Variants in KIF15 observed in about 807,000 individuals in gnomAD.
KIF15 encodes the protein kinesin-like protein KIF15.
KIF15 carries 140 observed loss-of-function variants against 190.6 expected under a neutral mutation model. The observed-to-expected ratio is 0.73, with a 90% CI of 0.64 to 0.84. KIF15 has a LOEUF of 0.84. Ranked by LOEUF, KIF15 falls within the 40% of genes least tolerant of loss-of-function variation. The probability of loss-of-function intolerance (pLI) is 0.00; values close to 1 mark genes in which losing one functional copy is unlikely to be tolerated. For synonymous variants in KIF15, 528 were observed against 551.3 expected, an observed-to-expected ratio of 0.96 and a Z score of 0.59; for missense variants, 1,372 against 1,584.4, an observed-to-expected ratio of 0.87 and a Z score of 2.28.
At chr3:44,819,812 G>C (rs900007431) in intron 20 of KIF15, among the ~76,000 whole-genome samples, 4 of 152,154 alleles carry the variant, frequency 2.6e-5, no homozygotes, top group African/African-American at 9.7e-5. Flanking sequence ...TTAACCTTCT[G>C]TCTCATTCAT....
chr3:44,775,697 G>T (rs1575579799), intron 3 of KIF15, among the ~76,000 whole-genome samples: 1 of 151,572 alleles, frequency 6.6e-6, no homozygotes, highest in Admixed American at 6.6e-5. Flanking sequence ...CTCGTGATCT[G>T]CCCGCCTCAG....
chr3:44,769,194 A>G (rs1411232957), intron 1 of KIF15, among the ~76,000 whole-genome samples: 4 of 152,266 alleles, frequency 2.6e-5, no homozygotes, highest in South Asian at 4.2e-4. Flanking sequence ...GAGAGGACAC[A>G]AGGGGAAAAG....
At chr3:44,833,902 T>C (rs888307432) in intron 26 of KIF15, among the ~76,000 whole-genome samples, 2 of 152,194 alleles carry the variant, frequency 1.3e-5, no homozygotes, top group African/African-American at 4.8e-5. Flanking sequence ...AAGTATAAGA[T>C]GATGGGCTAA....
chr3:44,773,454 T>C lies in KIF15; in HGVS notation c.20-941T>C, dbSNP rs568527839. ...CCAGAAGGGGAGGGATGCAAGGAAC[T>C]GCCACTCGCCCCACTTGCCTGTCCA... is the stretch of plus-strand genomic sequence containing the variant. On this transcript the variant is annotated intron_variant, in intron 1 of 34. Transcript: ENST00000326047. Among the ~76,000 whole-genome samples the C allele has an allele frequency of 9.2e-4, 140 of 152,282 alleles. 2 individuals are homozygous for C. The highest frequency in any genetic ancestry group is 3.8e-4 in the Non-Finnish European group (26 of 68,012).
At chr3:44,778,505 T>C (rs1706002941) in intron 4 of KIF15, among the ~76,000 whole-genome samples, 1 of 152,172 alleles carries the variant, frequency 6.6e-6, no homozygotes, top group Non-Finnish European at 1.5e-5. Flanking sequence ...ACTCTTTGAC[T>C]CTTCTTCCTT....
intron 1 of KIF15, chr3:44,765,928 G>A (rs772410167): frequency 3.8e-5 from 6 of 156,426 alleles, no homozygotes; most frequent in Non-Finnish European, 7.1e-5. Context: ...CACCTCCTGA[G>A]TTCAAGCGAT....
intron 29 of KIF15, 42 bp from the exon 30 acceptor site, chr3:44,843,083 C>T (rs1339397635): frequency 1.4e-6 from 2 of 1,474,552 alleles, no homozygotes; most frequent in African/African-American, 1.4e-5. Context: ...ATGAAGCCTA[C>T]TGTAATGTGT....
intron 34 of KIF15, 84 bp from the exon 35 acceptor site, chr3:44,852,588 AC>A: frequency 1.0e-6 from 1 of 994,516 alleles, no homozygotes; most frequent in Non-Finnish European, 1.5e-6. Context: ...TTTGAAATAT[AC>A]ACCTAATAAA....
At position 44,800,347 on chromosome 3, in the gene KIF15, A is replaced by G. The variant is rs1219528642; in HGVS notation, c.1132A>G (p.Ser378Gly). 6.2e-7 allele frequency: 1 copy of G among 1,614,188 alleles called. No homozygotes were observed. The highest frequency in any genetic ancestry group is 1.1e-5 in the South Asian group (1 of 91,082). The change falls in exon 11 of 35, where the codon AGC becomes GGC. Residue 378 changes from serine (S) to glycine (G), a missense_variant. Coordinates refer to ENST00000326047, the MANE Select transcript of KIF15 (RefSeq NM_020242.3). ...VVNEDTQGNV[S>G]QLQAEVKRLK... ...AAATGAAGACACCCAAGGAAATGTG[A>G]GCCAGCTCCAAGCTGAAGTGAAGAG...
At chr3:44,856,976 C>T (rs1699196148), downstream of KIF15, among the ~76,000 whole-genome samples, 1 of 152,044 alleles carries the variant, frequency 6.6e-6, no homozygotes, top group Admixed American at 6.6e-5. Context: ...GCGGTAGCCT[C>T]AATGATAGAT....
chr3:44,779,758 C>T (rs530827154), intron 4 of KIF15, among the ~76,000 whole-genome samples: 10 of 149,364 alleles, frequency 6.7e-5, no homozygotes, highest in Middle Eastern at 3.5e-3. Context: ...CATTTGAACC[C>T]GGAGGGTGGA....
In KIF15 at chr3:44,809,696, T is replaced by A. The variant is rs538962461; in HGVS notation, c.1972-1150T>A. 4.6e-3 allele frequency among the ~76,000 whole-genome samples: 692 copies of A among 150,984 alleles called. 4 individuals are homozygous for A. Among genetic ancestry groups the A allele is most frequent in the Middle Eastern group, 0.01 (3 of 292 alleles). On this transcript the variant is annotated intron_variant, in intron 16 of 34. Transcript: ENST00000326047. The stretch of plus-strand genomic sequence containing the variant: ...CCTACCTCTGCAAAAAAAAAAAAAA[T>A]TTAAATTAGCCAAGCATGGTGGTGT...
Position 44,829,999 on chromosome 3 carries a change from T to A in KIF15, c.2972T>A (p.Ile991Asn), listed in dbSNP as rs775858945. The A allele has an allele frequency of 1.3e-6, 2 of 1,595,690 alleles. No homozygotes were observed. The highest frequency in any genetic ancestry group is 2.7e-5 in the African/African-American group (2 of 73,850). ...GTTGTAGCTGACCTCATGAACCAGATCCAGGAGCTAAGAACATCGGTCTGT... is the reference window on the plus strand; with the variant it reads ...GTTGTAGCTGACCTCATGAACCAGAACCAGGAGCTAAGAACATCGGTCTGT... ...KKVVADLMNQ[I>N]QELRTSVCEK... Residue 991 changes from isoleucine (I) to asparagine (N), a missense_variant, in exon 25 of 35, where the codon ATC becomes AAC. Coordinates refer to ENST00000326047, the MANE Select transcript of KIF15 (RefSeq NM_020242.3).
chr3:44,826,061 G>A lies in KIF15; in HGVS notation c.2572G>A (p.Glu858Lys). ...AAGGTTAGAAAACGAAAAGCTGCTT[G>A]AGAGCAAAGCCTGCCTACAGGATTC... Reference protein sequence around the residue: ...NLRLENEKLLESKACLQDSYD... With the variant: ...NLRLENEKLLKSKACLQDSYD... The change falls in exon 21 of 35, where the codon GAG becomes AAG. Residue 858 changes from glutamate to lysine, a missense_variant. Coordinates refer to ENST00000326047, the MANE Select transcript of KIF15 (RefSeq NM_020242.3). 1.9e-6 allele frequency: 3 copies of A among 1,583,472 alleles called. No homozygotes were observed. The South Asian group carries it at 3.6e-5, about 19-fold the overall frequency.
intron 7 of KIF15, among the ~76,000 whole-genome samples, chr3:44,787,827 C>A (rs1706484629): frequency 6.6e-6 from 1 of 151,974 alleles, no homozygotes; most frequent in Non-Finnish European, 1.5e-5. Flanking sequence ...CTCTAATAAT[C>A]TCTTTCTTAT....
chr3:44,790,671 G>A (rs1319108462), intron 7 of KIF15, among the ~76,000 whole-genome samples: 4 of 142,230 alleles, frequency 2.8e-5, no homozygotes, highest in Non-Finnish European at 4.6e-5. Context: ...CCTGGTATAC[G>A]TTTTCCCATC....
intron 6 of KIF15, among the ~76,000 whole-genome samples, chr3:44,860,830 A>G (rs1663378863): frequency 6.6e-6 from 1 of 152,038 alleles, no homozygotes; most frequent in South Asian, 2.1e-4. Context: ...AAATGCATAT[A>G]CATATTCTAT....
chr3:44,834,793 C>T (rs951046130), intron 26 of KIF15, among the ~76,000 whole-genome samples: 10 of 151,020 alleles, frequency 6.6e-5, no homozygotes, highest in African/African-American at 1.9e-4. Context: ...ATTACCTGGG[C>T]GTGGTGGCAC....
intron 32 of KIF15, among the ~76,000 whole-genome samples, chr3:44,849,507 T>C (rs144182125): frequency 6.6e-6 from 1 of 152,216 alleles, no homozygotes; most frequent in South Asian, 2.1e-4. Context: ...GAAAAGAAAA[T>C]AAAGCTCTTG....
Sources: allele counts gnomAD v4.1 joint callset (sites outside exome capture counted in the v4.1 genomes callset), GRCh38; gene constraint gnomAD v4.1.1; transcripts MANE v1.5; gene names NCBI Gene and HGNC (gene_info 2026-07-23, HGNC 2026-07-21).